MAP3K20: variants seen among roughly 807,000 people sequenced by gnomAD.
MAP3K20 encodes the protein mitogen-activated protein kinase kinase kinase 20.
MAP3K20 carries 40 observed loss-of-function variants against 85.7 expected under a neutral mutation model. That is an observed-to-expected ratio of 0.47 (90% confidence interval 0.36 to 0.61). The LOEUF (loss-of-function observed/expected upper bound fraction) is 0.61. MAP3K20 is among the 20% of genes least tolerant of loss of function. The pLI is 0.00. For missense variants in MAP3K20, 817 were observed against 961.7 expected, an observed-to-expected ratio of 0.85 and a Z score of 1.99; for synonymous variants, 325 against 327.7, an observed-to-expected ratio of 0.99 and a Z score of 0.09.
chr2:173,184,464 T>G (rs1438674592), intron 4 of MAP3K20, among the ~76,000 whole-genome samples: 5 of 152,176 alleles, frequency 3.3e-5, no homozygotes. Context: ...CCTGGGAAAC[T>G]CTTCTCCCTG....
In MAP3K20 at chr2:173,079,114, T is replaced by TG. The variant is rs143896010; in HGVS notation, c.-35+3113dup. Reference sequence around the variant, plus strand: ...CAGCGTGCACCTACACAAACCTAGATGCTATAGCCTACTACACACCTAGGC... The same window carrying TG: ...CAGCGTGCACCTACACAAACCTAGATGGCTATAGCCTACTACACACCTAGGC... On this transcript the variant is annotated intron_variant, in intron 1 of 19. Coordinates refer to ENST00000375213, the MANE Select transcript of MAP3K20 (RefSeq NM_016653.3). Among the ~76,000 whole-genome samples the TG allele has an allele frequency of 8.4e-3, 1,274 of 152,316 alleles. 17 individuals are homozygous for TG. Among genetic ancestry groups the TG allele is most frequent in the African/African-American group, 0.028 (1,172 of 41,552 alleles).
intron 2 of MAP3K20, among the ~76,000 whole-genome samples, chr2:173,099,487 T>A (rs1440748073): frequency 6.6e-6 from 1 of 151,840 alleles, no homozygotes; most frequent in Non-Finnish European, 1.5e-5. Context: ...CACTCAGCTG[T>A]TTTATTTTGT....
rs559819682 is a variant in MAP3K20, at chr2:173,208,296, G to A, written c.745-1433G>A. On this transcript the variant is annotated intron_variant, in intron 9 of 19. Coordinates refer to ENST00000375213, the MANE Select transcript of MAP3K20 (RefSeq NM_016653.3). ...CACCTTTAGTCCCCGCTACTTGGGAGGCTGAGGCAGGAAAATTGGTGAGCC... is the reference window on the plus strand; with the variant it reads ...CACCTTTAGTCCCCGCTACTTGGGAAGCTGAGGCAGGAAAATTGGTGAGCC... Among the ~76,000 whole-genome samples, 3 of 152,132 alleles carry A rather than the reference G, an allele frequency of 2.0e-5. No individual in the cohort carries two copies. The East Asian group carries it at 5.8e-4, about 30-fold the overall frequency.
chr2:173,152,571 T>TA (rs1321792399), intron 2 of MAP3K20, among the ~76,000 whole-genome samples: 2 of 152,124 alleles, frequency 1.3e-5, no homozygotes, highest in Non-Finnish European at 2.9e-5. Flanking sequence ...GGAGCCCTTT[T>TA]AAAAAAACCT....
At chr2:173,106,868 AT>A (rs1401320782) in intron 2 of MAP3K20, among the ~76,000 whole-genome samples, 1 of 152,116 alleles carries the variant, frequency 6.6e-6, no homozygotes, top group African/African-American at 2.4e-5. Context: ...GGGGGCCTGG[AT>A]TTTAGATTGT....
At chr2:173,222,212 C>A (rs915149921) in intron 11 of MAP3K20, 33 of 980,650 alleles carry the variant, frequency 3.4e-5, no homozygotes, top group South Asian at 4.7e-5. Flanking sequence ...TCTCAAAAAA[C>A]AAAAAAAAGA....
At chr2:173,209,025 A>AAAAT (rs1683785906) in intron 9 of MAP3K20, among the ~76,000 whole-genome samples, 1 of 152,234 alleles carries the variant, frequency 6.6e-6, no homozygotes, top group Non-Finnish European at 1.5e-5. Flanking sequence ...ATTATAACAG[A>AAAAT]AAATAAATAT....
intron 19 of MAP3K20, 28 bp from the exon 20 acceptor site, chr2:173,266,022 A>G: frequency 6.5e-7 from 1 of 1,541,256 alleles, no homozygotes; most frequent in Non-Finnish European, 8.8e-7. Flanking sequence ...TGTGGCTTAA[A>G]AGATGCTCAT....
intron 7 of MAP3K20, among the ~76,000 whole-genome samples, chr2:173,196,347 G>C (rs1207966584): frequency 6.6e-6 from 1 of 151,638 alleles, no homozygotes; most frequent in East Asian, 1.9e-4. Flanking sequence ...GTGTAGGTCA[G>C]GGTGATTGCA....
chr2:173,127,982 G>A (rs1420202560), intron 2 of MAP3K20, among the ~76,000 whole-genome samples: 5 of 152,078 alleles, frequency 3.3e-5, no homozygotes, highest in African/African-American at 4.8e-5. Context: ...CTAGACCTTC[G>A]TACCTGCCAT....
chr2:173,090,375 A>T (rs1257220171), intron 1 of MAP3K20, among the ~76,000 whole-genome samples: 1 of 152,074 alleles, frequency 6.6e-6, no homozygotes, highest in African/African-American at 2.4e-5. Flanking sequence ...TCAAGGGCAA[A>T]TTTTTTCTAC....
chr2:173,254,957 T>C (rs566476293), intron 16 of MAP3K20, among the ~76,000 whole-genome samples: 2 of 152,340 alleles, frequency 1.3e-5, no homozygotes, highest in East Asian at 1.9e-4. Flanking sequence ...TCTCTTTCTC[T>C]CTTACCCAGC....
intron 2 of MAP3K20, among the ~76,000 whole-genome samples, chr2:173,120,038 T>C (rs1688236386): frequency 6.6e-6 from 1 of 152,164 alleles, no homozygotes. Flanking sequence ...CTCCCTGCCT[T>C]CCTGCCTTCT....
chr2:173,130,141 A>C (rs531396603), intron 2 of MAP3K20, among the ~76,000 whole-genome samples: 1 of 152,346 alleles, frequency 6.6e-6, no homozygotes, highest in South Asian at 2.1e-4. Flanking sequence ...GCATCTGATG[A>C]ATGTGCAGAG....
At chr2:173,201,083 T>C (rs993906113) in intron 8 of MAP3K20, among the ~76,000 whole-genome samples, 2 of 152,230 alleles carry the variant, frequency 1.3e-5, no homozygotes, top group Non-Finnish European at 2.9e-5. Context: ...ATAGACCTTA[T>C]TCATTTTCAC....
Position 173,266,991 on chromosome 2 carries a change from T to A in MAP3K20, c.*241T>A. 1 of 325,712 alleles carries A rather than the reference T, an allele frequency of 3.1e-6. No homozygotes were observed. Among genetic ancestry groups the A allele is most frequent in the Non-Finnish European group, 5.5e-6 (1 of 180,586 alleles). The allele number at this position is 325,712 out of a possible 1,614,324, so 20.2% of individuals were successfully genotyped here. ...CACTACACATATTTTCTGCCTTGAG[T>A]GAACATTTTTAGAGGAAAGGTTATG... is the stretch of plus-strand genomic sequence containing the variant. On this transcript the variant is annotated 3_prime_UTR_variant, in exon 20 of 20. Transcript: ENST00000375213.
intron 2 of MAP3K20, chr2:173,166,414 G>A (rs1264850058): frequency 6.6e-6 from 1 of 152,064 alleles, no homozygotes; most frequent in African/African-American, 2.4e-5. Flanking sequence ...GTATCTGTTT[G>A]ACTCCCTAGA....
intron 7 of MAP3K20, among the ~76,000 whole-genome samples, chr2:173,195,886 AT>A (rs1238934909): frequency 2.0e-5 from 3 of 152,036 alleles, no homozygotes; most frequent in Non-Finnish European, 4.4e-5. Context: ...GAATTGGCTT[AT>A]TTTTTTCTTT....
intron 11 of MAP3K20, chr2:173,223,016 A>T (rs921176675): frequency 1.0e-6 from 1 of 985,342 alleles, no homozygotes; most frequent in African/African-American, 1.7e-5. Flanking sequence ...AAGAAAGGAC[A>T]TCATCATAGA....
Sources: allele counts gnomAD v4.1 joint callset (sites outside exome capture counted in the v4.1 genomes callset), GRCh38; gene constraint gnomAD v4.1.1; transcripts MANE v1.5; gene names NCBI Gene and HGNC (gene_info 2026-07-23, HGNC 2026-07-21).